Variants in ATXN7L1 observed in about 807,000 individuals in gnomAD.
The protein encoded by ATXN7L1 is ataxin-7-like protein 1.
A neutral mutation model predicts 70.8 loss-of-function variants in ATXN7L1; 15 were observed. The observed-to-expected ratio is 0.21, with a 90% CI of 0.14 to 0.33. The LOEUF (loss-of-function observed/expected upper bound fraction) is 0.33, where lower values mean the gene tolerates loss of function less well. Ranked by LOEUF, ATXN7L1 falls within the 10% of genes least tolerant of loss-of-function variation. The probability of loss-of-function intolerance (pLI) is 1.00; values close to 1 mark genes in which losing one functional copy is unlikely to be tolerated. For synonymous variants in ATXN7L1, 440 were observed against 445.1 expected (o/e 0.99, Z 0.14); for missense variants, 975 against 1,097.1 (o/e 0.89, Z 1.57).
chr7:105,710,646 C>T (rs766825231), intron 3 of ATXN7L1, among the ~76,000 whole-genome samples: 9 of 151,108 alleles, frequency 6.0e-5, no homozygotes, highest in African/African-American at 1.7e-4. Context: ...CTCCTGACCT[C>T]GTGATCCACC....
chr7:105,776,426 C>T (rs770788272), intron 3 of ATXN7L1, among the ~76,000 whole-genome samples: 11 of 151,998 alleles, frequency 7.2e-5, no homozygotes, highest in Non-Finnish European at 1.3e-4. Context: ...ATTTCCCTTC[C>T]TTGCTGGCTT....
At chr7:105,702,975 G>T (rs1792656904) in intron 3 of ATXN7L1, among the ~76,000 whole-genome samples, 1 of 152,212 alleles carries the variant, frequency 6.6e-6, no homozygotes, top group Admixed American at 6.5e-5. Context: ...AATTAGCAAG[G>T]CGTGGCGGCG....
In ATXN7L1 at chr7:105,614,712, A is replaced by G; in HGVS notation, c.1622T>C (p.Val541Ala). ...VLQPFSNPSA[V>A]YLPSAPISSR... ...GCTGATGGGAGCTGAAGGAAGATAC[A>G]CAGCACTGGGGTTGCTGAAAGGCTG... is the stretch of plus-strand genomic sequence containing the variant. The change falls in exon 10 of 12, where the codon GTG becomes GCG. Residue 541 changes from valine to alanine, a missense_variant. Physicochemically the swap from Val to Ala is moderately conservative, Grantham distance 64. Coordinates refer to ENST00000419735, the MANE Select transcript of ATXN7L1 (RefSeq NM_020725.2). This position sits in a 1 kb window ranked among gnomAD's most constrained non-coding sequence, Gnocchi z 4.3. 3 of 1,551,732 alleles carry G rather than the reference A, an allele frequency of 1.9e-6. No individual in the cohort carries two copies. Among genetic ancestry groups the G allele is most frequent in the Non-Finnish European group, 2.6e-6 (3 of 1,147,000 alleles).
chr7:105,641,882 T>C (rs1323685878), intron 5 of ATXN7L1, among the ~76,000 whole-genome samples: 4 of 152,210 alleles, frequency 2.6e-5, no homozygotes, highest in Non-Finnish European at 5.9e-5. Context: ...AGATGAAAGA[T>C]AGAGAAACTA....
intron 2 of ATXN7L1, among the ~76,000 whole-genome samples, chr7:105,789,306 G>T (rs1804781997): frequency 6.6e-6 from 1 of 152,206 alleles, no homozygotes; most frequent in African/African-American, 2.4e-5. Flanking sequence ...CACTGTGCTA[G>T]GTGCTGGGAA....
intron 10 of ATXN7L1, chr7:105,613,434 G>A: frequency 8.1e-6 from 8 of 982,134 alleles, no homozygotes; most frequent in Non-Finnish European, 9.7e-6. Context: ...TGGGCCTCAA[G>A]CTCTTCCTAA....
chr7:105,664,774 C>T (rs1802362774), intron 4 of ATXN7L1, among the ~76,000 whole-genome samples: 1 of 151,362 alleles, frequency 6.6e-6, no homozygotes, highest in Non-Finnish European at 1.5e-5. Context: ...ACTGTGTTGC[C>T]CAGGCTGGTT....
At chr7:105,815,033 AG>A (rs1379668109) in intron 2 of ATXN7L1, among the ~76,000 whole-genome samples, 2 of 152,202 alleles carry the variant, frequency 1.3e-5, no homozygotes, top group African/African-American at 2.4e-5. Flanking sequence ...CTTTCTGGAA[AG>A]GGGGGCCCAC....
At chr7:105,695,998 T>G (rs1192888900) in intron 3 of ATXN7L1, among the ~76,000 whole-genome samples, 1 of 152,144 alleles carries the variant, frequency 6.6e-6, no homozygotes, top group Non-Finnish European at 1.5e-5. Flanking sequence ...AGATATTGAA[T>G]GTAGAATGCA....
chr7:105,693,553 A>T (rs1206518423), intron 3 of ATXN7L1, among the ~76,000 whole-genome samples: 2 of 104,278 alleles, frequency 1.9e-5, no homozygotes, highest in South Asian at 3.6e-4. Flanking sequence ...CCATCCATCC[A>T]TCCATCCATC....
chr7:105,849,320 T>G (rs1365416121), intron 2 of ATXN7L1, among the ~76,000 whole-genome samples: 1 of 152,128 alleles, frequency 6.6e-6, no homozygotes, highest in Non-Finnish European at 1.5e-5. Flanking sequence ...GATATGCAGG[T>G]GGGGAGGGCT....
In ATXN7L1 at chr7:105,624,049, A is replaced by G. The variant is rs376546814; in HGVS notation, c.1395+26T>C. 2.9e-6 allele frequency: 4 copies of G among 1,376,396 alleles called. No individual in the cohort carries two copies. The African/African-American group carries it at 5.9e-5, about 20-fold the overall frequency. The allele number at this position is 1,376,396 out of a possible 1,614,324, so 85.3% of individuals were successfully genotyped here. On this transcript the variant is annotated intron_variant, in intron 8 of 11. Coordinates refer to ENST00000419735, the MANE Select transcript of ATXN7L1 (RefSeq NM_020725.2). ...TCTGCAAAGCACAGGCGAAGAACGC[A>G]TGGCAAGGAACGGAAGGAGGCCTAC...
chr7:105,782,894 C>T (rs180805201), intron 3 of ATXN7L1, among the ~76,000 whole-genome samples: 110 of 152,340 alleles, frequency 7.2e-4, no homozygotes, highest in African/African-American at 2.6e-3. Context: ...TCCTCTGAGA[C>T]AGGGCAAGAA....
At chr7:105,851,488 G>A (rs1814875012) in intron 2 of ATXN7L1, among the ~76,000 whole-genome samples, 3 of 152,260 alleles carry the variant, frequency 2.0e-5, no homozygotes, top group Admixed American at 2.0e-4. Context: ...CATGTCAATA[G>A]GGCTAGATTT....
intron 8 of ATXN7L1, among the ~76,000 whole-genome samples, chr7:105,622,140 G>A (rs545020157): frequency 2.2e-4 from 34 of 152,282 alleles, no homozygotes; most frequent in African/African-American, 7.7e-4. Flanking sequence ...ATGATTTAAT[G>A]TATCAACTGG....
chr7:105,606,137 T>A lies in ATXN7L1; in HGVS notation c.*1715A>T, dbSNP rs1283705131. 6.6e-6 allele frequency: 1 copy of A among 152,146 alleles called. No individual in the cohort carries two copies. Among genetic ancestry groups the A allele is most frequent in the African/African-American group, 2.4e-5 (1 of 41,438 alleles). The allele number at this position is 152,146 out of a possible 1,614,324, so 9.4% of individuals were successfully genotyped here. A position where few individuals can be genotyped will look rare whatever the true frequency, so the allele number is the denominator to read the frequency against. The stretch of plus-strand genomic sequence containing the variant: ...AGACGTAAATAAACCAGCATATAAG[T>A]GCACTTTTAACACTGTAGAAATAAA... On this transcript the variant is annotated 3_prime_UTR_variant, in exon 12 of 12. Transcript: ENST00000419735.
intron 4 of ATXN7L1, among the ~76,000 whole-genome samples, chr7:105,654,423 G>A (rs529278074): frequency 1.3e-5 from 2 of 152,240 alleles, no homozygotes; most frequent in African/African-American, 4.8e-5. Context: ...GCTGAGAAAG[G>A]CTTGCCCCAG....
intron 2 of ATXN7L1, among the ~76,000 whole-genome samples, chr7:105,797,585 T>A (rs1251208230): frequency 6.6e-6 from 1 of 152,270 alleles, no homozygotes; most frequent in Non-Finnish European, 1.5e-5. Context: ...AGTTCAAATT[T>A]GGCATTTGGC....
intron 3 of ATXN7L1, among the ~76,000 whole-genome samples, chr7:105,707,804 G>A (rs970359370): frequency 6.6e-6 from 1 of 152,160 alleles, no homozygotes; most frequent in African/African-American, 2.4e-5. Flanking sequence ...CTGAGTACAG[G>A]GCATGAGTAC....
Sources: allele counts gnomAD v4.1 joint callset (sites outside exome capture counted in the v4.1 genomes callset), GRCh38; gene constraint gnomAD v4.1.1; non-coding constraint Gnocchi (gnomAD v3.1); transcripts MANE v1.5; gene names NCBI Gene and HGNC (gene_info 2026-07-23, HGNC 2026-07-21).